The following TEKT5 variants were observed in gnomAD, a reference collection of about 807,000 sequenced individuals.
The protein encoded by TEKT5 is tektin-5.
Under a neutral mutation model 48.7 loss-of-function variants are expected in TEKT5, and 52 were observed. The ratio of observed to expected loss-of-function variants is 1.07; its 90% CI spans 0.86 to 1.35. The LOEUF is 1.35. TEKT5 is among the 40% of genes most tolerant of loss of function. The pLI is 0.00. For missense variants in TEKT5, 831 were observed against 641.6 expected, an observed-to-expected ratio of 1.30 and a Z score of -3.19; for synonymous variants, 318 against 267.6, an observed-to-expected ratio of 1.19 and a Z score of -1.84.
At chr16:10,648,781 C>A (rs1898109925) in intron 5 of TEKT5, among the ~76,000 whole-genome samples, 1 of 152,224 alleles carries the variant, frequency 6.6e-6, no homozygotes, top group African/African-American at 2.4e-5. Context: ...GCATGGTTCA[C>A]AAAGAGCAGC....
chr16:10,649,406 C>T (rs995324442), intron 5 of TEKT5, among the ~76,000 whole-genome samples: 6 of 151,806 alleles, frequency 4.0e-5, no homozygotes, highest in Admixed American at 2.0e-4. Context: ...CCAATGCACT[C>T]CGCTGTGTCT....
At chr16:10,672,649 G>C (rs1898567335) in intron 5 of TEKT5, among the ~76,000 whole-genome samples, 1 of 152,064 alleles carries the variant, frequency 6.6e-6, no homozygotes, top group Non-Finnish European at 1.5e-5. Flanking sequence ...AAGATGTAAG[G>C]AGTACCAGGC....
intron 4 of TEKT5, among the ~76,000 whole-genome samples, chr16:10,681,370 ACTCTCTGTCT>A (rs1378137251): frequency 0.017 from 2,473 of 147,986 alleles, 34 homozygotes; most frequent in African/African-American, 0.026. Flanking sequence ...TCCAGATTCC[ACTCTCTGTCT>A]CTCTCTCTCT....
chr16:10,660,673 GTGTGT>G (rs1898352138), intron 5 of TEKT5, among the ~76,000 whole-genome samples: 1 of 75,156 alleles, frequency 1.3e-5, no homozygotes, highest in Admixed American at 1.2e-4. Flanking sequence ...GTGTGTGTGT[GTGTGT>G]GTGTGTGTGT....
chr16:10,667,951 C>T (rs1898486325), intron 5 of TEKT5, among the ~76,000 whole-genome samples: 1 of 151,618 alleles, frequency 6.6e-6, no homozygotes, highest in African/African-American at 2.4e-5. Context: ...GATCTTGGCT[C>T]ACTGCAACCT....
intron 5 of TEKT5, among the ~76,000 whole-genome samples, chr16:10,666,299 G>A (rs1175576254): frequency 6.6e-6 from 1 of 152,064 alleles, no homozygotes; most frequent in Non-Finnish European, 1.5e-5. Flanking sequence ...GAAGAATTCT[G>A]GAGGTCTTCT....
intron 5 of TEKT5, among the ~76,000 whole-genome samples, chr16:10,654,015 CAT>C (rs899263940): frequency 1.0e-4 from 14 of 135,608 alleles, no homozygotes; most frequent in Admixed American, 6.9e-4. Flanking sequence ...TGTGTGTGTG[CAT>C]GTGTGTGTGT....
At chr16:10,633,146 A>G (rs1275396705) in intron 6 of TEKT5, among the ~76,000 whole-genome samples, 1 of 152,104 alleles carries the variant, frequency 6.6e-6, no homozygotes, top group Admixed American at 6.5e-5. Context: ...GGATCACTTG[A>G]GGTTAGGAGT....
chr16:10,656,786 G>T (rs1898269633), intron 5 of TEKT5, among the ~76,000 whole-genome samples: 1 of 152,100 alleles, frequency 6.6e-6, no homozygotes, highest in Non-Finnish European at 1.5e-5. Context: ...TGTTGCCCAG[G>T]CTGGAGGGCA....
intron 5 of TEKT5, among the ~76,000 whole-genome samples, chr16:10,663,671 T>C (rs2142289189): frequency 6.6e-6 from 1 of 152,296 alleles, no homozygotes; most frequent in African/African-American, 2.4e-5. Flanking sequence ...TGAGCCCAGA[T>C]ATATCTCAGC....
In TEKT5 at chr16:10,652,150, C is replaced by A. The variant is rs1443907149; in HGVS notation, c.1087-16232G>T. Among the ~76,000 whole-genome samples, 4 of 152,092 alleles carry A rather than the reference C, an allele frequency of 2.6e-5. No homozygotes were observed. The East Asian group carries it at 7.7e-4, about 29-fold the overall frequency. On this transcript the variant is annotated intron_variant, in intron 5 of 6. Coordinates refer to ENST00000283025, the MANE Select transcript of TEKT5 (RefSeq NM_144674.2). ...GGTTTAGTGAGACAATCCAGCAATG[C>A]GATTAGCACAGGGTCTGGGAGACAG...
At chr16:10,693,554 C>A (rs1019287316) in intron 1 of TEKT5, among the ~76,000 whole-genome samples, 13 of 152,188 alleles carry the variant, frequency 8.5e-5, no homozygotes, top group Admixed American at 6.5e-4. Context: ...ATACAGGTGC[C>A]CTGCACTGAA....
At chr16:10,679,892 G>A (rs897520632) in intron 4 of TEKT5, among the ~76,000 whole-genome samples, 3 of 95,322 alleles carry the variant, frequency 3.1e-5, no homozygotes, top group Non-Finnish European at 4.4e-5. Flanking sequence ...AGCGAAACTC[G>A]GTCTCAAATA....
chr16:10,641,040 T>C (rs967934880), intron 5 of TEKT5, among the ~76,000 whole-genome samples: 1 of 152,208 alleles, frequency 6.6e-6, no homozygotes, highest in African/African-American at 2.4e-5. Flanking sequence ...TTCACTTTTT[T>C]AGAAACTGTC....
At chr16:10,663,956 G>C (rs1044936586) in intron 5 of TEKT5, among the ~76,000 whole-genome samples, 4 of 152,220 alleles carry the variant, frequency 2.6e-5, no homozygotes, top group East Asian at 1.9e-4. Context: ...CAGCTGTTGA[G>C]AGGCTGTCTG....
intron 5 of TEKT5, among the ~76,000 whole-genome samples, chr16:10,654,944 A>ACCCC (rs796414949): frequency 1.5e-5 from 1 of 67,262 alleles, no homozygotes; most frequent in African/African-American, 6.4e-5. Context: ...CCCCTCCCCC[A>ACCCC]CCCCCCCCCC....
At chr16:10,636,811 CATTATTATT>C (rs143109867) in intron 5 of TEKT5, among the ~76,000 whole-genome samples, 1 of 147,080 alleles carries the variant, frequency 6.8e-6, no homozygotes, top group African/African-American at 2.5e-5. Flanking sequence ...ATGTATTTTC[CATTATTATT>C]ATTATTATTA....
intron 5 of TEKT5, among the ~76,000 whole-genome samples, chr16:10,656,918 T>C (rs1898271973): frequency 6.6e-6 from 1 of 151,592 alleles, no homozygotes; most frequent in African/African-American, 2.4e-5. Context: ...TTTATTATTT[T>C]GTGTAGAGAT....
At chr16:10,680,047 G>T (rs1348481927) in intron 4 of TEKT5, among the ~76,000 whole-genome samples, 3 of 152,214 alleles carry the variant, frequency 2.0e-5, no homozygotes, top group Non-Finnish European at 4.4e-5. Flanking sequence ...GTCCCTCCTG[G>T]GTGTGGAAAT....
Sources: allele counts gnomAD v4.1 joint callset (sites outside exome capture counted in the v4.1 genomes callset), GRCh38; gene constraint gnomAD v4.1.1; transcripts MANE v1.5; gene names NCBI Gene and HGNC (gene_info 2026-07-23, HGNC 2026-07-21).